Variants in CADM1 observed in about 807,000 individuals in gnomAD.
The protein encoded by CADM1 is cell adhesion molecule 1, also known as TSLC-1.
CADM1 carries 15 observed loss-of-function variants against 53.1 expected under a neutral mutation model. That is an observed-to-expected ratio of 0.28 (90% CI 0.19 to 0.44). The LOEUF (loss-of-function observed/expected upper bound fraction) is 0.44, where lower values mean the gene tolerates loss of function less well. CADM1 is among the 20% of genes least tolerant of loss of function. The probability of loss-of-function intolerance (pLI) is 1.00; values close to 1 mark genes in which losing one functional copy is unlikely to be tolerated. For missense variants in CADM1, 434 were observed against 611.3 expected (o/e 0.71, Z 3.06); for synonymous variants, 281 against 243.0 (o/e 1.16, Z -1.45).
intron 1 of CADM1, among the ~76,000 whole-genome samples, chr11:115,338,859 CCTT>C (rs1463062666): frequency 1.6e-5 from 2 of 122,398 alleles, no homozygotes; most frequent in African/African-American, 5.4e-5. Flanking sequence ...GTCTGTTCCA[CCTT>C]CTTTTATTTT....
At chr11:115,496,055 G>A (rs1949604256) in intron 1 of CADM1, among the ~76,000 whole-genome samples, 1 of 152,188 alleles carries the variant, frequency 6.6e-6, no homozygotes, top group African/African-American at 2.4e-5. Flanking sequence ...CAATTTTCAT[G>A]CTGTAGGAAA....
chr11:115,175,362 A>C lies in CADM1; in HGVS notation c.*1112T>G. 1.0e-6 allele frequency: 1 copy of C among 960,204 alleles called. No individual in the cohort carries two copies. Among genetic ancestry groups the C allele is most frequent in the Non-Finnish European group, 1.2e-6 (1 of 820,282 alleles). 59.5% of individuals were successfully genotyped at this position (960,204 alleles called of 1,614,324 possible). ...CAGGCCACATCCTACTGCCTTCCTA[A>C]CTAAGCACAAAGGAAAAAAAAAAAA... On this transcript the variant is annotated 3_prime_UTR_variant, in exon 12 of 12. Coordinates refer to ENST00000331581, the MANE Select transcript of CADM1 (RefSeq NM_001301043.2).
chr11:115,401,571 G>C (rs1947156485), intron 1 of CADM1, among the ~76,000 whole-genome samples: 1 of 152,140 alleles, frequency 6.6e-6, no homozygotes, highest in Admixed American at 6.5e-5. Flanking sequence ...TTGTGCCACT[G>C]TACTCCAGCC....
chr11:115,425,157 T>C (rs779419343), intron 1 of CADM1, among the ~76,000 whole-genome samples: 3 of 152,354 alleles, frequency 2.0e-5, no homozygotes, highest in Non-Finnish European at 4.4e-5. Context: ...TTTAAAAATC[T>C]AAATAACTGG....
intron 1 of CADM1, chr11:115,256,741 G>A (rs766356682): frequency 2.2e-6 from 1 of 451,528 alleles, no homozygotes; most frequent in Non-Finnish European, 4.5e-6. Context: ...TATTGTTTGT[G>A]TTCCTTAACA....
intron 1 of CADM1, among the ~76,000 whole-genome samples, chr11:115,250,273 G>A (rs1381291366): frequency 6.6e-6 from 1 of 152,126 alleles, no homozygotes; most frequent in Non-Finnish European, 1.5e-5. Context: ...TCTCAATGGA[G>A]ATAACATATG....
At chr11:115,255,898 G>C (rs1015515519) in intron 1 of CADM1, among the ~76,000 whole-genome samples, 1 of 152,168 alleles carries the variant, frequency 6.6e-6, no homozygotes, top group African/African-American at 2.4e-5. Flanking sequence ...AAAGCAGCTA[G>C]CTGACTGTAA....
At chr11:115,318,295 A>G (rs1304959951) in intron 1 of CADM1, among the ~76,000 whole-genome samples, 1 of 152,182 alleles carries the variant, frequency 6.6e-6, no homozygotes, top group African/African-American at 2.4e-5. Flanking sequence ...ATACTGGAAT[A>G]CCTGTCCATC....
intron 1 of CADM1, among the ~76,000 whole-genome samples, chr11:115,285,425 C>T (rs1312532853): frequency 6.6e-6 from 1 of 152,108 alleles, no homozygotes; most frequent in Non-Finnish European, 1.5e-5. Context: ...TAGTCTTATC[C>T]CCATTTTAAG....
At chr11:115,348,172 T>C (rs909648173) in intron 1 of CADM1, among the ~76,000 whole-genome samples, 1 of 152,162 alleles carries the variant, frequency 6.6e-6, no homozygotes, top group African/African-American at 2.4e-5. Flanking sequence ...AAAGGTAAGG[T>C]AGGTTCTTAC....
intron 1 of CADM1, among the ~76,000 whole-genome samples, chr11:115,474,061 G>A (rs1305823011): frequency 1.3e-5 from 2 of 151,862 alleles, no homozygotes; most frequent in East Asian, 1.9e-4. Flanking sequence ...TTGCGAGGCC[G>A]AGGTGGGCGG....
At chr11:115,366,507 C>A (rs1471572308) in intron 1 of CADM1, among the ~76,000 whole-genome samples, 1 of 152,184 alleles carries the variant, frequency 6.6e-6, no homozygotes, top group Non-Finnish European at 1.5e-5. Flanking sequence ...CCTGAAATGT[C>A]TCTTTGTATA....
intron 1 of CADM1, among the ~76,000 whole-genome samples, chr11:115,495,680 A>T (rs1486318038): frequency 6.6e-6 from 1 of 152,206 alleles, no homozygotes; most frequent in Non-Finnish European, 1.5e-5. Flanking sequence ...CGGTAACTTC[A>T]TTTAGCCAGG....
At chr11:115,469,820 C>T (rs1948974082) in intron 1 of CADM1, among the ~76,000 whole-genome samples, 4 of 152,002 alleles carry the variant, frequency 2.6e-5, no homozygotes, top group South Asian at 4.2e-4. Context: ...TACAGGCACC[C>T]GCCACCATGC....
chr11:115,476,930 T>C (rs1732941548), intron 1 of CADM1, among the ~76,000 whole-genome samples: 2 of 152,168 alleles, frequency 1.3e-5, no homozygotes, highest in Non-Finnish European at 2.9e-5. Context: ...ATTTTATTTA[T>C]TATAATCTGC....
At chr11:115,229,020 T>C (rs1941718906) in intron 5 of CADM1, 93 bp downstream of exon 5, 2 of 1,121,096 alleles carry the variant, frequency 1.8e-6, no homozygotes, top group Admixed American at 1.7e-5. Flanking sequence ...CTATGTATAC[T>C]ATATAAAATG....
intron 1 of CADM1, among the ~76,000 whole-genome samples, chr11:115,291,208 G>A (rs1254293763): frequency 2.0e-5 from 3 of 152,022 alleles, no homozygotes; most frequent in Admixed American, 1.3e-4. Flanking sequence ...TCCAGGAAAT[G>A]ATTAATGCTT....
chr11:115,176,673 G>T, intron 11 of CADM1, 81 bp from the exon 12 acceptor site: 2 of 1,163,862 alleles, frequency 1.7e-6, no homozygotes, highest in Non-Finnish European at 2.6e-6. Context: ...CTTGCTTTAT[G>T]GCCATCATCA....
At chr11:115,271,844 ATC>A (rs1291948170) in intron 1 of CADM1, among the ~76,000 whole-genome samples, 1 of 152,226 alleles carries the variant, frequency 6.6e-6, no homozygotes, top group Non-Finnish European at 1.5e-5. Context: ...GCAGCCAAAG[ATC>A]CACTGAGATG....
Sources: allele counts gnomAD v4.1 joint callset (sites outside exome capture counted in the v4.1 genomes callset), GRCh38; gene constraint gnomAD v4.1.1; transcripts MANE v1.5; gene names NCBI Gene and HGNC (gene_info 2026-07-23, HGNC 2026-07-21).